Variants in DUXB observed in about 807,000 individuals in gnomAD.
DUXB encodes the protein double homeobox B.
In DUXB, 22 loss-of-function variants were observed where a neutral mutation model predicts 8.9. That is an observed-to-expected ratio of 2.46 (90% CI 1.76 to 3.52). The LOEUF (loss-of-function observed/expected upper bound fraction) is 3.52, where lower values mean the gene tolerates loss of function less well. Ranked by LOEUF, DUXB falls within the 30% of genes most tolerant of loss-of-function variation. The probability of loss-of-function intolerance (pLI) is 0.00; values close to 1 mark genes in which losing one functional copy is unlikely to be tolerated. For synonymous variants in DUXB, 84 were observed against 37.6 expected, an observed-to-expected ratio of 2.23 and a Z score of -4.52; for missense variants, 237 against 108.7, an observed-to-expected ratio of 2.18 and a Z score of -5.25.
At chr16:75,695,823 A>C (rs574950766) in intron 4 of DUXB, 138 bp downstream of exon 4, 1 of 597,290 alleles carries the variant, frequency 1.7e-6, no homozygotes, top group African/African-American at 1.9e-5. Context: ...CGGGACTTTC[A>C]GTGCCAGGCG....
chr16:75,698,438 A>G (rs1959195429), intron 2 of DUXB: 1 of 152,182 alleles, frequency 6.6e-6, no homozygotes, highest in South Asian at 2.1e-4. Context: ...TTTTCCTCTA[A>G]AAACACATTT....
rs2082586310 is a variant in DUXB, at chr16:75,694,272, G to T, written c.695C>A (p.Pro232Gln). Residue 232 changes from proline (P) to glutamine (Q), a missense_variant, in exon 5 of 5, where the codon CCA (proline) becomes CAA (glutamine). By Grantham distance (76) the Pro-to-Gln change is moderately conservative. Transcript: ENST00000633875. ...DPFRFHVSQG[P>Q]NVMIMQPTQA... ...TGTGGGCTGCATGATCATGACATTT[G>T]GTCCTTGGCTCACATGGAACCTGAA... The T allele has an allele frequency of 5.0e-6, 3 of 598,388 alleles. No individual in the cohort carries two copies. Among genetic ancestry groups the T allele is most frequent in the Non-Finnish European group, 8.9e-6 (3 of 338,670 alleles). The allele number at this position is 598,388 out of a possible 1,614,324, so 37.1% of individuals were successfully genotyped here.
At chr16:75,701,355 C>T (rs1170854270) in intron 1 of DUXB, 39 bp downstream of exon 1, 1 of 398,578 alleles carries the variant, frequency 2.5e-6, no homozygotes, top group Non-Finnish European at 4.4e-6. Context: ...AGACATGCAG[C>T]AATCCCAAAG....
Position 75,694,363 on chromosome 16 carries a change from G to T in DUXB, c.604C>A (p.His202Asn), listed in dbSNP as rs7198138. Residue 202 changes from histidine (H) to asparagine (N), a missense_variant, in exon 5 of 5, where the codon CAT becomes AAT. His to Asn is a moderately conservative substitution (Grantham distance 68). Transcript: ENST00000633875. ...TDSSHYFSCS[H>N]SSSGHETLPP... ...AGAGTTTCATGCCCGCTGGAAGAATGTGAGCAAGAAAAATAATGAGAGCTG... is the reference window on the plus strand; with the variant it reads ...AGAGTTTCATGCCCGCTGGAAGAATTTGAGCAAGAAAAATAATGAGAGCTG... 34,240 of 666,008 alleles carry T rather than the reference G, an allele frequency of 0.051. 1,198 individuals are homozygous for T. The highest frequency in any genetic ancestry group is 0.12 in the African/African-American group (6,605 of 55,394). The allele number at this position is 666,008 out of a possible 1,614,324, so 41.3% of individuals were successfully genotyped here. A position where few individuals can be genotyped will look rare whatever the true frequency, so the allele number is the denominator to read the frequency against.
In DUXB at chr16:75,700,170, C is replaced by A; in HGVS notation, c.26-1G>T. The stretch of plus-strand genomic sequence containing the variant: ...CTCCAGAATTCTTTTTGAAGTATGC[C>A]TGATGAACAGAAAAGGGGGAGAATA... On this transcript the variant is annotated splice_acceptor_variant, in intron 1 of 4. Coordinates refer to ENST00000633875, the MANE Select transcript of DUXB (RefSeq NM_001351307.2). LOFTEE classifies it high-confidence loss of function. 1 of 699,714 alleles carries A rather than the reference C, an allele frequency of 1.4e-6. No individual in the cohort carries two copies. The highest frequency in any genetic ancestry group is 2.6e-6 in the Non-Finnish European group (1 of 383,926). The allele number at this position is 699,714 out of a possible 1,614,324, so 43.3% of individuals were successfully genotyped here.
chr16:75,695,884 TGTAA>T (rs1242649649), intron 4 of DUXB, 73 bp downstream of exon 4: 11 of 677,352 alleles, frequency 1.6e-5, no homozygotes, highest in African/African-American at 1.1e-4. Context: ...CCAAGTCAGC[TGTAA>T]GTTTTTCAAT....
rs191816866 is a variant in DUXB, at chr16:75,699,140, C to G, written c.180+875G>C. 9.9e-5 allele frequency among the ~76,000 whole-genome samples: 15 copies of G among 152,182 alleles called. No homozygotes were observed. The East Asian group carries it at 2.5e-3, about 25-fold the overall frequency. On this transcript the variant is annotated intron_variant, in intron 2 of 4. Transcript: ENST00000633875. ...GGATTACAGGTGTGGGTCACCCTAC[C>G]CAGTCCAGGTATCTTTCTGATAACT...
chr16:75,695,472 T>G (rs2082598291), intron 4 of DUXB, among the ~76,000 whole-genome samples: 1 of 152,220 alleles, frequency 6.6e-6, no homozygotes, highest in Non-Finnish European at 1.5e-5. Flanking sequence ...TAAATCACTA[T>G]CCCCATAACT....
intron 2 of DUXB, among the ~76,000 whole-genome samples, chr16:75,699,667 T>G (rs1959200050): frequency 1.3e-5 from 2 of 151,964 alleles, no homozygotes; most frequent in African/African-American, 4.8e-5. Context: ...CACGCCATTC[T>G]CCTGCCTCAG....
Position 75,699,668 on chromosome 16 carries a change from C to T in DUXB, c.180+347G>A, listed in dbSNP as rs191183629. On this transcript the variant is annotated intron_variant, in intron 2 of 4. Coordinates refer to ENST00000633875, the MANE Select transcript of DUXB (RefSeq NM_001351307.2). The stretch of plus-strand genomic sequence containing the variant: ...TCCCCTCCCGGGTTCACGCCATTCT[C>T]CTGCCTCAGCCTCCAGAGTAGCTGG... 5.4e-3 allele frequency among the ~76,000 whole-genome samples: 815 copies of T among 151,924 alleles called. 12 individuals are homozygous for T. Among genetic ancestry groups the T allele is most frequent in the African/African-American group, 0.018 (766 of 41,436 alleles).
rs770373587 is a variant in DUXB at position 75,694,178 on chromosome 16, T to C, written c.789A>G (p.Pro263=). The C allele has an allele frequency of 2.1e-6, 1 of 476,322 alleles. No individual in the cohort carries two copies. Among genetic ancestry groups the C allele is most frequent in the Non-Finnish European group, 3.7e-6 (1 of 273,960 alleles). The allele number at this position is 476,322 out of a possible 1,614,324, so 29.5% of individuals were successfully genotyped here. A position where few individuals can be genotyped will look rare whatever the true frequency, so the allele number is the denominator to read the frequency against. ...GAGTATCTAAGTCCTTTGTCAGAAT[T>C]GGCAGTGTCAGGAGGTGATTCGGAA... The part of the protein sequence containing the change: ...LIIPNHLLTL[P]ILTKDLDTPT... Residue 263 remains proline, a synonymous_variant, in exon 5 of 5, where the codon CCA becomes CCG. Transcript: ENST00000633875.
chr16:75,700,113 C>A lies in DUXB; in HGVS notation c.82G>T (p.Asp28Tyr), dbSNP rs1959201958. 1.4e-6 allele frequency: 1 copy of A among 702,680 alleles called. No homozygotes were observed. The highest frequency in any genetic ancestry group is 2.6e-6 in the Non-Finnish European group (1 of 384,976). The allele number at this position is 702,680 out of a possible 1,614,324, so 43.5% of individuals were successfully genotyped here. A position where few individuals can be genotyped will look rare whatever the true frequency, so the allele number is the denominator to read the frequency against. ...TGTTGAAACCATGATTGGAGGATAT[C>A]CTTTTGACTCTGGTTATACTGAATT... ...NRIQYNQSQK[D>Y]ILQSWFQHDP... Residue 28 changes from aspartate (D) to tyrosine (Y), a missense_variant, in exon 2 of 5, where the codon GAT becomes TAT. Physicochemically the swap from Asp to Tyr is radical, Grantham distance 160 (BLOSUM62 -3). Coordinates refer to ENST00000633875, the MANE Select transcript of DUXB (RefSeq NM_001351307.2).
At chr16:75,700,955 A>G (rs1336536320) in intron 1 of DUXB, among the ~76,000 whole-genome samples, 1 of 152,232 alleles carries the variant, frequency 6.6e-6, no homozygotes, top group Non-Finnish European at 1.5e-5. Flanking sequence ...GTACAAAATT[A>G]CCAAAAGAGG....
rs2151831487 is a variant in DUXB at position 75,694,257 on chromosome 16, A to G, written c.710T>C (p.Met237Thr). Reference protein sequence around the residue: ...HVSQGPNVMIMQPTQAVQEGE... With the variant: ...HVSQGPNVMITQPTQAVQEGE... ...TTCCTGCACAGCCTGTGTGGGCTGC[A>G]TGATCATGACATTTGGTCCTTGGCT... Residue 237 changes from methionine (M) to threonine (T), a missense_variant, in exon 5 of 5, where the codon ATG (methionine) becomes ACG (threonine). By Grantham distance (81) the Met-to-Thr change is moderately conservative. Coordinates refer to ENST00000633875, the MANE Select transcript of DUXB (RefSeq NM_001351307.2). The G allele has an allele frequency of 3.4e-6, 2 of 588,058 alleles. No homozygotes were observed. The highest frequency in any genetic ancestry group is 2.8e-5 in the East Asian group (1 of 35,142). The allele number at this position is 588,058 out of a possible 1,614,324, so 36.4% of individuals were successfully genotyped here.
At chr16:75,700,759 G>A (rs1365597097) in intron 1 of DUXB, among the ~76,000 whole-genome samples, 6 of 151,978 alleles carry the variant, frequency 3.9e-5, no homozygotes, top group East Asian at 1.9e-4. Flanking sequence ...TGCCCACCTC[G>A]GCCTCCCAAA....
chr16:75,697,733 T>C (rs996804934), intron 2 of DUXB, among the ~76,000 whole-genome samples: 2 of 152,216 alleles, frequency 1.3e-5, no homozygotes, highest in Non-Finnish European at 2.9e-5. Flanking sequence ...AGGCAGTCCA[T>C]GGCCTGTTAG....
chr16:75,694,573 T>A, intron 4 of DUXB, 48 bp from the exon 5 acceptor site: 1 of 702,018 alleles, frequency 1.4e-6, no homozygotes, highest in African/African-American at 1.7e-5. Context: ...TAAGCAATTG[T>A]AACTCTGCAT....
chr16:75,699,799 C>G (rs1472944965), intron 2 of DUXB, among the ~76,000 whole-genome samples: 3 of 152,150 alleles, frequency 2.0e-5, no homozygotes, highest in African/African-American at 7.2e-5. Context: ...CTGACCTCGT[C>G]ATCCGCCTGC....
In DUXB at chr16:75,694,320, G is replaced by A; in HGVS notation, c.647C>T (p.Ser216Leu). Reference protein sequence around the residue: ...GHETLPPVLPSTQAPWDPFRF... With the variant: ...GHETLPPVLPLTQAPWDPFRF... The stretch of plus-strand genomic sequence containing the variant: ...GAAGGGATCCCAAGGAGCCTGGGTT[G>A]AAGGAAGAACAGGTGGAAGAGTTTC... Residue 216 changes from serine (S) to leucine (L), a missense_variant, in exon 5 of 5, where the codon TCA becomes TTA. Transcript: ENST00000633875. The A allele has an allele frequency of 1.6e-6, 1 of 623,536 alleles. No homozygotes were observed. The allele number at this position is 623,536 out of a possible 1,614,324, so 38.6% of individuals were successfully genotyped here. A position where few individuals can be genotyped will look rare whatever the true frequency, so the allele number is the denominator to read the frequency against.
Sources: gnomAD v4.1 joint callset for allele counts (sites outside exome capture counted in the v4.1 genomes callset) on GRCh38, gnomAD v4.1.1 for gene constraint, MANE v1.5 for transcripts, NCBI Gene and HGNC (gene_info 2026-07-23, HGNC 2026-07-21) for gene names.